The following VPS53 variants were observed in gnomAD, a reference collection of about 807,000 sequenced individuals.
VPS53 encodes VPS53 subunit of GARP complex.
A neutral mutation model predicts 107.0 loss-of-function variants in VPS53; 70 were observed. The observed-to-expected ratio is 0.65, with a 90% CI of 0.54 to 0.80. The LOEUF (loss-of-function observed/expected upper bound fraction) is 0.80, where lower values mean the gene tolerates loss of function less well. Ranked by LOEUF, VPS53 falls within the 30% of genes least tolerant of loss-of-function variation. The pLI is 0.00. For synonymous variants in VPS53, 409 were observed against 393.3 expected (o/e 1.04, Z -0.47); for missense variants, 917 against 1,049.4 (o/e 0.87, Z 1.74).
At position 537,020 on chromosome 17, in the gene VPS53, G is replaced by C. The variant is rs779777526; in HGVS notation, c.2015+8C>G. 2 of 1,614,180 alleles carry C rather than the reference G, an allele frequency of 1.2e-6. No homozygotes were observed. The highest frequency in any genetic ancestry group is 3.3e-5 in the Admixed American group (2 of 60,026). Reference sequence around the variant, plus strand: ...AGAACCCAGAGATGAGCACGCCCCAGGACTTACTTTGCAAATTTAACGCAG... The same window carrying C: ...AGAACCCAGAGATGAGCACGCCCCACGACTTACTTTGCAAATTTAACGCAG... On this transcript the variant is annotated splice_region_variant and intron_variant, in intron 18 of 21. Transcript: ENST00000437048.
intron 7 of VPS53, among the ~76,000 whole-genome samples, chr17:649,706 C>G (rs372291918): frequency 0.024 from 2,377 of 100,042 alleles, 21 homozygotes; most frequent in Middle Eastern, 0.095. Flanking sequence ...GAATGGAACA[C>G]GCACTGAAGA....
intron 12 of VPS53, 119 bp from the exon 13 acceptor site, chr17:586,483 T>C: frequency 1.1e-6 from 1 of 941,200 alleles, no homozygotes; most frequent in South Asian, 1.6e-5. Flanking sequence ...GAGTACTCAA[T>C]GTAACCCAAT....
chr17:571,672 G>A (rs1037138482), intron 13 of VPS53, among the ~76,000 whole-genome samples: 1 of 152,242 alleles, frequency 6.6e-6, no homozygotes, highest in Non-Finnish European at 1.5e-5. Context: ...CCTGCCGAGT[G>A]CCTGCGATTG....
chr17:710,429 T>G, intron 2 of VPS53, 104 bp downstream of exon 2: 1 of 845,386 alleles, frequency 1.2e-6, no homozygotes, highest in South Asian at 1.5e-5. Context: ...TAACTCTCCC[T>G]TGTGTATCAA....
chr17:532,495 G>A (rs1909669418), intron 19 of VPS53: 2 of 224,510 alleles, frequency 8.9e-6, no homozygotes, highest in Non-Finnish European at 1.7e-5. Flanking sequence ...CCTTACCCCA[G>A]GTGATCTGCC....
rs9898635 is a variant in VPS53, at chr17:662,538, A to C, written c.286-643T>G. On this transcript the variant is annotated intron_variant, in intron 4 of 21. Coordinates refer to ENST00000437048, the MANE Select transcript of VPS53 (RefSeq NM_001128159.3). ...CCCCATCTCTACTAAAAATACAAAA[A>C]ACTAGCCAGGCACAGTGGCACGCAC... is the stretch of plus-strand genomic sequence containing the variant. Among the ~76,000 whole-genome samples, 271 of 151,982 alleles carry C rather than the reference A, an allele frequency of 1.8e-3. 1 individual carries two copies. The highest frequency in any genetic ancestry group is 6.1e-3 in the African/African-American group (251 of 41,444).
rs1292106957 is a variant in VPS53 at position 524,772 on chromosome 17, A to G, written c.2086-3034T>C. Among the ~76,000 whole-genome samples, 1 of 152,230 alleles carries G rather than the reference A, an allele frequency of 6.6e-6. No individual in the cohort carries two copies. Among genetic ancestry groups the G allele is most frequent in the Non-Finnish European group, 1.5e-5 (1 of 68,042 alleles). ...ACTGAAATTCACAAATGTACACCGT[A>G]ATACACCCATCAGAGTCAGAAGTAA... is the stretch of plus-strand genomic sequence containing the variant. On this transcript the variant is annotated intron_variant, in intron 19 of 21. Transcript: ENST00000437048. The surrounding 1 kb of genome is among the most constrained non-coding windows in gnomAD (Gnocchi z 4.5).
intron 13 of VPS53, 26 bp downstream of exon 13, chr17:586,244 G>A (rs1300974099): frequency 6.2e-7 from 1 of 1,608,458 alleles, no homozygotes; most frequent in African/African-American, 1.3e-5. Flanking sequence ...AATGCAGGCA[G>A]AAAACAGCGA....
intron 13 of VPS53, among the ~76,000 whole-genome samples, chr17:571,056 C>T (rs550727823): frequency 1.3e-5 from 2 of 152,210 alleles, no homozygotes; most frequent in South Asian, 2.1e-4. Context: ...CAGTGGTTCA[C>T]GTCTGTAATC....
chr17:662,834 A>AAAGAAAGGAAGGAAGGAAGGAAGG (rs1971515638), intron 4 of VPS53, among the ~76,000 whole-genome samples: 2 of 121,164 alleles, frequency 1.7e-5, no homozygotes, highest in East Asian at 5.2e-4. Flanking sequence ...AAAGAGAAAG[A>AAAGAAAGGAAGGAAGGAAGGAAGG]AAGGAAGGAA....
intron 11 of VPS53, among the ~76,000 whole-genome samples, chr17:608,500 A>C (rs1968687185): frequency 6.6e-6 from 1 of 152,152 alleles, no homozygotes; most frequent in South Asian, 2.1e-4. Flanking sequence ...AACAGTGTGG[A>C]TACCTCCAGG....
chr17:589,630 G>A (rs913015079), intron 12 of VPS53, among the ~76,000 whole-genome samples: 2 of 152,132 alleles, frequency 1.3e-5, no homozygotes, highest in Non-Finnish European at 2.9e-5. Flanking sequence ...AAAAAGTAAA[G>A]GATAACGTCA....
intron 11 of VPS53, among the ~76,000 whole-genome samples, chr17:619,436 T>C (rs1270030430): frequency 6.9e-6 from 1 of 144,090 alleles, no homozygotes; most frequent in Non-Finnish European, 1.5e-5. Context: ...CACACCCCAC[T>C]AATATTTTCC....
At chr17:673,306 T>C (rs1349052623) in intron 4 of VPS53, among the ~76,000 whole-genome samples, 1 of 152,168 alleles carries the variant, frequency 6.6e-6, no homozygotes, top group Non-Finnish European at 1.5e-5. Context: ...TCTCTTCTTT[T>C]GTTACTGCTG....
At chr17:539,593 G>A (rs1248156963) in intron 17 of VPS53, among the ~76,000 whole-genome samples, 1 of 152,138 alleles carries the variant, frequency 6.6e-6, no homozygotes, top group Non-Finnish European at 1.5e-5. Flanking sequence ...CAGCTACCAG[G>A]GAGGCTGAGG....
Position 691,933 on chromosome 17 carries a change from A to C in VPS53, c.285+5485T>G, listed in dbSNP as rs74921730. The stretch of plus-strand genomic sequence containing the variant: ...AAATACGGCATATATAGGGTTTGCT[A>C]CTCTCTGGGTTTCAGGCATCCACTG... On this transcript the variant is annotated intron_variant, in intron 4 of 21. Transcript: ENST00000437048. Among the ~76,000 whole-genome samples the C allele has an allele frequency of 2.2e-3, 340 of 152,166 alleles. 9 individuals carry two copies. The East Asian group carries it at 0.056, about 25-fold the overall frequency.
chr17:586,226 C>T (rs373738694), intron 13 of VPS53, 44 bp downstream of exon 13: 8 of 1,575,104 alleles, frequency 5.1e-6, no homozygotes, highest in East Asian at 2.2e-5. Flanking sequence ...ATGACCAGAG[C>T]GGCGAGAAAT....
rs1908465098 is a variant in VPS53 at position 518,489 on chromosome 17, A to G, written c.*639T>C. 6.6e-6 allele frequency: 1 copy of G among 152,190 alleles called. No individual in the cohort carries two copies. Among genetic ancestry groups the G allele is most frequent in the Non-Finnish European group, 1.5e-5 (1 of 68,042 alleles). The allele number at this position is 152,190 out of a possible 1,614,324, so 9.4% of individuals were successfully genotyped here. ...AGGTGAGTGGGCAGAAAGGGGTTTG[A>G]GAGTATGGACTTCCTGGGCGTTCCC... On this transcript the variant is annotated 3_prime_UTR_variant, in exon 22 of 22. Transcript: ENST00000437048.
chr17:553,338 G>A (rs1358543198), intron 16 of VPS53, 42 bp downstream of exon 16: 2 of 1,591,440 alleles, frequency 1.3e-6, no homozygotes, highest in Non-Finnish European at 1.7e-6. Context: ...CTGTGTAGTG[G>A]AGAAAGGGCA....
Sources: allele counts gnomAD v4.1 joint callset (sites outside exome capture counted in the v4.1 genomes callset), GRCh38; gene constraint gnomAD v4.1.1; non-coding constraint Gnocchi (gnomAD v3.1); transcripts MANE v1.5; gene names NCBI Gene and HGNC (gene_info 2026-07-23, HGNC 2026-07-21).